BNC2: variants seen among roughly 807,000 people sequenced by gnomAD.
The protein encoded by BNC2 is zinc finger protein basonuclin-2.
Under a neutral mutation model 76.3 loss-of-function variants are expected in BNC2, and 20 were observed. The observed-to-expected ratio is 0.26, with a 90% CI of 0.18 to 0.38. BNC2 has a LOEUF of 0.38. Ranked by LOEUF, BNC2 falls within the 10% of genes least tolerant of loss-of-function variation. The pLI is 1.00. For synonymous variants in BNC2, 582 were observed against 514.8 expected, an observed-to-expected ratio of 1.13 and a Z score of -1.77; for missense variants, 1,382 against 1,399.8, an observed-to-expected ratio of 0.99 and a Z score of 0.20.
chr9:16,540,499 T>G (rs1379628007), intron 5 of BNC2, among the ~76,000 whole-genome samples: 1 of 152,172 alleles, frequency 6.6e-6, no homozygotes, highest in African/African-American at 2.4e-5. Context: ...AAACTTTGAC[T>G]TAAAGTTAAC....
At chr9:16,481,580 G>T (rs968792841) in intron 5 of BNC2, among the ~76,000 whole-genome samples, 2 of 152,172 alleles carry the variant, frequency 1.3e-5, no homozygotes, top group African/African-American at 4.8e-5. Flanking sequence ...CTTCATTCTT[G>T]AAGTCAGTGA....
chr9:16,699,523 T>C (rs968269648), intron 3 of BNC2, among the ~76,000 whole-genome samples: 2 of 152,194 alleles, frequency 1.3e-5, no homozygotes, highest in African/African-American at 4.8e-5. Context: ...TTTAAACTAG[T>C]AATTGAAAAG....
chr9:16,728,020 T>C (rs756743654), intron 2 of BNC2, 23 bp from the exon 3 acceptor site: 1 of 1,608,140 alleles, frequency 6.2e-7, no homozygotes, highest in Non-Finnish European at 8.5e-7. Context: ...GGTGGATTTT[T>C]TGAGCCTCTT....
intron 3 of BNC2, chr9:16,685,533 T>A (rs1267326807): frequency 7.7e-7 from 1 of 1,302,086 alleles, no homozygotes; most frequent in South Asian, 1.2e-5. Context: ...AGAAAACAGT[T>A]AAGACTCTAA....
chr9:16,559,596 G>A (rs917391464), intron 4 of BNC2, among the ~76,000 whole-genome samples: 2 of 152,160 alleles, frequency 1.3e-5, no homozygotes, highest in Non-Finnish European at 1.5e-5. Flanking sequence ...TCATCATGTC[G>A]GAAGTCCCTA....
At chr9:16,612,094 CCT>C (rs1337370212) in intron 3 of BNC2, among the ~76,000 whole-genome samples, 1 of 150,182 alleles carries the variant, frequency 6.7e-6, no homozygotes, top group African/African-American at 2.5e-5. Context: ...AAAAAAAAAA[CCT>C]CTAAGCTCAA....
intron 3 of BNC2, among the ~76,000 whole-genome samples, chr9:16,671,669 AGCAG>A (rs2134183586): frequency 6.6e-6 from 1 of 152,306 alleles, no homozygotes; most frequent in South Asian, 2.1e-4. Flanking sequence ...AGATTTGAGA[AGCAG>A]GCTCTGGTTG....
At chr9:16,695,862 C>CA (rs1563903094) in intron 3 of BNC2, among the ~76,000 whole-genome samples, 1 of 151,420 alleles carries the variant, frequency 6.6e-6, no homozygotes, top group Non-Finnish European at 1.5e-5. Flanking sequence ...TCGAGCTAAA[C>CA]AAGCAAATAG....
chr9:16,666,721 T>C (rs1822302769), intron 3 of BNC2, among the ~76,000 whole-genome samples: 1 of 152,208 alleles, frequency 6.6e-6, no homozygotes, highest in Non-Finnish European at 1.5e-5. Context: ...CAAATATATC[T>C]GTTTTGCCGC....
At chr9:16,439,918 T>C (rs1322903487) in intron 5 of BNC2, among the ~76,000 whole-genome samples, 1 of 152,192 alleles carries the variant, frequency 6.6e-6, no homozygotes, top group African/African-American at 2.4e-5. Context: ...TACAACTATC[T>C]GCTCAGAAGA....
At chr9:16,483,309 C>T (rs1406036199) in intron 5 of BNC2, among the ~76,000 whole-genome samples, 1 of 152,236 alleles carries the variant, frequency 6.6e-6, no homozygotes, top group Non-Finnish European at 1.5e-5. Flanking sequence ...TCCTTACATA[C>T]TATTCCCTTC....
intron 1 of BNC2, among the ~76,000 whole-genome samples, chr9:16,757,185 C>G (rs1825410882): frequency 6.6e-6 from 1 of 152,082 alleles, no homozygotes; most frequent in Non-Finnish European, 1.5e-5. Flanking sequence ...ATTGAATGTT[C>G]CAACATACTA....
At chr9:16,424,213 A>C (rs978460378) in intron 6 of BNC2, among the ~76,000 whole-genome samples, 3 of 152,094 alleles carry the variant, frequency 2.0e-5, no homozygotes, top group Admixed American at 6.6e-5. Context: ...TATCTAAAGA[A>C]AGTGTTTTGA....
At chr9:16,501,460 C>T (rs941502829) in intron 5 of BNC2, among the ~76,000 whole-genome samples, 1 of 152,136 alleles carries the variant, frequency 6.6e-6, no homozygotes, top group Non-Finnish European at 1.5e-5. Flanking sequence ...ACCATCACAA[C>T]CACTCAGTGA....
intron 3 of BNC2, among the ~76,000 whole-genome samples, chr9:16,693,168 G>A (rs537876517): frequency 6.7e-6 from 1 of 150,300 alleles, no homozygotes; most frequent in Non-Finnish European, 1.5e-5. Context: ...TGGGGGATGA[G>A]GGGGTGAGAG....
intron 3 of BNC2, chr9:16,626,449 G>C (rs1820994806): frequency 6.6e-6 from 1 of 152,176 alleles, no homozygotes. Flanking sequence ...AGTGCAGGCA[G>C]ACAGAGCAAA....
intron 3 of BNC2, among the ~76,000 whole-genome samples, chr9:16,613,069 G>C (rs116867297): frequency 0.024 from 3,705 of 152,252 alleles, 57 homozygotes; most frequent in Non-Finnish European, 0.033. Flanking sequence ...TTATAGCAAG[G>C]AGAATACCTA....
intron 5 of BNC2, among the ~76,000 whole-genome samples, chr9:16,516,088 A>G (rs1817415768): frequency 6.6e-6 from 1 of 152,192 alleles, no homozygotes; most frequent in Non-Finnish European, 1.5e-5. Context: ...GCTTGAGCTG[A>G]GCCACTGTTT....
chr9:16,595,895 G>GA (rs1434463538), intron 3 of BNC2, among the ~76,000 whole-genome samples: 5 of 151,004 alleles, frequency 3.3e-5, no homozygotes, highest in African/African-American at 7.3e-5. Context: ...GCCTTGTGGA[G>GA]AAAAAAAAAG....
Sources: allele counts gnomAD v4.1 joint callset (sites outside exome capture counted in the v4.1 genomes callset), GRCh38; gene constraint gnomAD v4.1.1; transcripts MANE v1.5; gene names NCBI Gene and HGNC (gene_info 2026-07-23, HGNC 2026-07-21).